CENPW: variants seen among roughly 807,000 people sequenced by gnomAD.
The protein encoded by CENPW is cancer-up-regulated gene 2 protein.
CENPW carries 3 observed loss-of-function variants against 11.1 expected under a neutral mutation model. That is an observed-to-expected ratio of 0.27 (90% CI 0.12 to 0.70). CENPW has a LOEUF of 0.70. Among genes scored for constraint, CENPW ranks in the 30% least tolerant of loss-of-function variants. The probability of loss-of-function intolerance (pLI) is 0.77; values close to 1 mark genes in which losing one functional copy is unlikely to be tolerated. For synonymous variants in CENPW, 38 were observed against 42.0 expected (o/e 0.91, Z 0.37); for missense variants, 100 against 105.6 (o/e 0.95, Z 0.23).
At chr6:126,428,053 C>T in the CENPW span, among the ~76,000 whole-genome samples, 2 of 152,146 alleles carry the variant, frequency 1.3e-5, no homozygotes, top group East Asian at 1.9e-4. Flanking sequence ...ATGTCTCACC[C>T]GAAAGAAAAG....
At chr6:126,425,032 G>T in the CENPW span, among the ~76,000 whole-genome samples, 1 of 152,032 alleles carries the variant, frequency 6.6e-6, no homozygotes, top group Non-Finnish European at 1.5e-5. Context: ...ATCTAACGTG[G>T]CTCTATTTTG....
the CENPW span, among the ~76,000 whole-genome samples, chr6:126,476,811 T>C: frequency 6.6e-6 from 1 of 151,944 alleles, no homozygotes; most frequent in Non-Finnish European, 1.5e-5. Context: ...TCCTTCTATA[T>C]CTACCTGTGT....
the CENPW span, among the ~76,000 whole-genome samples, chr6:126,467,796 A>C: frequency 1.3e-5 from 2 of 152,132 alleles, no homozygotes; most frequent in African/African-American, 4.8e-5. Flanking sequence ...AAGGGGCAAA[A>C]ATGTAGTTTT....
chr6:126,341,749 A>G (rs985899700), intron 1 of CENPW, among the ~76,000 whole-genome samples: 4 of 152,188 alleles, frequency 2.6e-5, no homozygotes, highest in African/African-American at 7.2e-5. Context: ...GGGCTTCTAA[A>G]TGGAGGGAGA....
rs1041166529 is a variant in CENPW at position 126,340,507 on chromosome 6, C to T, written c.126+108C>T. On this transcript the variant is annotated intron_variant, in intron 1 of 2. Coordinates refer to ENST00000368328, the MANE Select transcript of CENPW (RefSeq NM_001012507.4). ...CGAGCCAATTTATAGCTCTTTCAGG[C>T]CCCTGTTTAAGGCAGTTCCAACAAT... 38 of 1,535,906 alleles carry T rather than the reference C, an allele frequency of 2.5e-5. 1 individual carries two copies. The highest frequency in any genetic ancestry group is 3.4e-5 in the Non-Finnish European group (38 of 1,117,412).
chr6:126,342,393 A>G (rs959246807), intron 1 of CENPW, among the ~76,000 whole-genome samples: 1 of 152,208 alleles, frequency 6.6e-6, no homozygotes, highest in Admixed American at 6.5e-5. Context: ...GTAAGAGTAT[A>G]CATCATACAG....
chr6:126,416,352 GT>G, the CENPW span, among the ~76,000 whole-genome samples: 2 of 152,198 alleles, frequency 1.3e-5, no homozygotes, highest in Non-Finnish European at 2.9e-5. Context: ...GAGCACAAAA[GT>G]TTGGAAAATT....
the CENPW span, among the ~76,000 whole-genome samples, chr6:126,463,125 A>C: frequency 1.3e-5 from 2 of 152,024 alleles, no homozygotes; most frequent in Non-Finnish European, 2.9e-5. Flanking sequence ...TTATACAGAC[A>C]CATTCCTCTC....
At chr6:126,404,376 T>A in the CENPW span, among the ~76,000 whole-genome samples, 1 of 152,192 alleles carries the variant, frequency 6.6e-6, no homozygotes, top group Non-Finnish European at 1.5e-5. Context: ...CAAACTAAAT[T>A]GAAAATCTTC....
At chr6:126,403,222 A>G in the CENPW span, among the ~76,000 whole-genome samples, 1 of 152,088 alleles carries the variant, frequency 6.6e-6, no homozygotes, top group East Asian at 1.9e-4. Context: ...AATTAGGCCA[A>G]TTAATAACTT....
chr6:126,426,527 C>G, the CENPW span, among the ~76,000 whole-genome samples: 1 of 152,026 alleles, frequency 6.6e-6, no homozygotes, highest in Non-Finnish European at 1.5e-5. Flanking sequence ...ATATACATGA[C>G]ATATGATAGA....
chr6:126,361,679 G>A, the CENPW span, among the ~76,000 whole-genome samples: 1 of 151,702 alleles, frequency 6.6e-6, no homozygotes, highest in African/African-American at 2.4e-5. Flanking sequence ...GGGCATTTAG[G>A]GAATCCCCTT....
At chr6:126,350,846 C>T (rs1780482931), downstream of CENPW, among the ~76,000 whole-genome samples, 1 of 151,118 alleles carries the variant, frequency 6.6e-6, no homozygotes, top group Non-Finnish European at 1.5e-5. Flanking sequence ...AAATTATATT[C>T]TGAACAAAAA....
the CENPW span, among the ~76,000 whole-genome samples, chr6:126,443,589 A>G: frequency 1.3e-5 from 2 of 151,140 alleles, no homozygotes; most frequent in Admixed American, 1.3e-4. Context: ...TTATCTAACA[A>G]CTTCTCTAAG....
the CENPW span, among the ~76,000 whole-genome samples, chr6:126,459,336 AAAGAG>A: frequency 6.6e-6 from 1 of 151,554 alleles, no homozygotes; most frequent in African/African-American, 2.4e-5. Context: ...TAACAATGAA[AAAGAG>A]AAGATAAAGA....
At chr6:126,377,701 T>G in the CENPW span, among the ~76,000 whole-genome samples, 8 of 152,240 alleles carry the variant, frequency 5.3e-5, no homozygotes, top group Non-Finnish European at 1.0e-4. Context: ...GTAAACCACA[T>G]GCTAATATAC....
chr6:126,422,684 T>A, the CENPW span, among the ~76,000 whole-genome samples: 1 of 152,066 alleles, frequency 6.6e-6, no homozygotes, highest in Admixed American at 6.6e-5. Context: ...TCATCCCTCA[T>A]GCCAAAAAAT....
At chr6:126,396,742 G>T in the CENPW span, among the ~76,000 whole-genome samples, 1 of 152,066 alleles carries the variant, frequency 6.6e-6, no homozygotes. Context: ...GTTATTCAAA[G>T]CCCAAGGGCT....
At chr6:126,379,487 G>A in the CENPW span, among the ~76,000 whole-genome samples, 2 of 152,166 alleles carry the variant, frequency 1.3e-5, no homozygotes, top group Non-Finnish European at 2.9e-5. Flanking sequence ...AGGGCTGTCA[G>A]CCTGGCCCTT....
Sources: allele counts gnomAD v4.1 joint callset (sites outside exome capture counted in the v4.1 genomes callset), GRCh38; gene constraint gnomAD v4.1.1; transcripts MANE v1.5; gene names NCBI Gene and HGNC (gene_info 2026-07-23, HGNC 2026-07-21).